The following KCNAB1 variants were observed in gnomAD, a reference collection of about 807,000 sequenced individuals.
The protein encoded by KCNAB1 is voltage-gated potassium channel subunit beta-1.
A neutral mutation model predicts 64.6 loss-of-function variants in KCNAB1; 35 were observed. That is an observed-to-expected ratio of 0.54 (90% CI 0.41 to 0.72). The LOEUF (loss-of-function observed/expected upper bound fraction) is 0.72. Among genes scored for constraint, KCNAB1 ranks in the 30% least tolerant of loss-of-function variants. The pLI is 0.00. For missense variants in KCNAB1, 401 were observed against 512.9 expected (o/e 0.78, Z 2.11); for synonymous variants, 177 against 183.8 (o/e 0.96, Z 0.30).
intron 2 of KCNAB1, among the ~76,000 whole-genome samples, chr3:156,450,891 T>C: frequency 7.2e-6 from 1 of 138,926 alleles, no homozygotes; most frequent in Non-Finnish European, 1.6e-5. Context: ...GTTATGCTCC[T>C]ATTTTTTTCT....
At chr3:156,284,778 G>C (rs1388781132) in intron 1 of KCNAB1, among the ~76,000 whole-genome samples, 3 of 152,200 alleles carry the variant, frequency 2.0e-5, no homozygotes, top group Admixed American at 6.5e-5. Context: ...GGAACTCCCT[G>C]ACCCCTTGTG....
chr3:156,522,223 T>G (rs117490355), intron 11 of KCNAB1, among the ~76,000 whole-genome samples: 1 of 151,850 alleles, frequency 6.6e-6, no homozygotes. Context: ...GCTATTAGTT[T>G]TCAATCTTTG....
chr3:156,405,193 A>G (rs1455063632), intron 1 of KCNAB1, among the ~76,000 whole-genome samples: 2 of 152,246 alleles, frequency 1.3e-5, no homozygotes, highest in African/African-American at 2.4e-5. Context: ...GTCTTGGACA[A>G]GAGCCTTTTA....
chr3:156,527,633 A>G (rs547215107), intron 12 of KCNAB1, among the ~76,000 whole-genome samples: 1 of 152,290 alleles, frequency 6.6e-6, no homozygotes, highest in East Asian at 1.9e-4. Flanking sequence ...TCTGAGTTTA[A>G]ATTAAAACAT....
At position 156,397,317 on chromosome 3, in the gene KCNAB1, A is replaced by G. The variant is rs945642805; in HGVS notation, c.276-24299A>G. On this transcript the variant is annotated intron_variant, in intron 1 of 13. Coordinates refer to ENST00000490337, the MANE Select transcript of KCNAB1 (RefSeq NM_172160.3). ...GGAGTAAATGGGGTAATATATGTAA[A>G]GAAATTGGCCCAAGTTCTCTGTAGA... Among the ~76,000 whole-genome samples the G allele has an allele frequency of 2.6e-5, 4 of 152,204 alleles. No homozygotes were observed. The East Asian group carries it at 7.7e-4, about 29-fold the overall frequency.
At chr3:156,176,202 G>T (rs1712361301) in intron 1 of KCNAB1, 2 of 777,736 alleles carry the variant, frequency 2.6e-6, no homozygotes, top group Admixed American at 3.4e-5. Context: ...TTAAGGTCAG[G>T]CCAGTCACTG....
chr3:156,500,914 T>A (rs1716355794), intron 8 of KCNAB1, among the ~76,000 whole-genome samples: 2 of 152,198 alleles, frequency 1.3e-5, no homozygotes, highest in South Asian at 2.1e-4. Context: ...TATGATAGAA[T>A]TTGAGGGGCT....
chr3:156,147,961 G>GCATGCA (rs1560107832), intron 1 of KCNAB1, among the ~76,000 whole-genome samples: 9 of 150,566 alleles, frequency 6.0e-5, no homozygotes, highest in South Asian at 2.1e-4. Flanking sequence ...ACACACACAC[G>GCATGCA]CACGCACACG....
Position 156,514,450 on chromosome 3 carries a change from G to A in KCNAB1, c.744+1G>A. ...GAGATGGAGTGCTATGGAGATCATG[G>A]TAATTTAACTTCTATTTTTAAATGG... On this transcript the variant is annotated splice_donor_variant, in intron 9 of 13. Transcript: ENST00000490337. LOFTEE classifies it high-confidence loss of function. The A allele has an allele frequency of 6.2e-7, 1 of 1,608,300 alleles. No homozygotes were observed.
chr3:156,476,661 A>G (rs771342332), intron 8 of KCNAB1, among the ~76,000 whole-genome samples: 3 of 151,714 alleles, frequency 2.0e-5, no homozygotes, highest in Admixed American at 6.6e-5. Context: ...TGGTTCCATG[A>G]TTTTGCAATT....
chr3:156,471,581 A>T (rs1028116340), intron 7 of KCNAB1, among the ~76,000 whole-genome samples: 1 of 152,170 alleles, frequency 6.6e-6, no homozygotes, highest in African/African-American at 2.4e-5. Context: ...TGGAGCACTT[A>T]CCTCCTTAGG....
At chr3:156,206,654 T>C (rs1336263435) in intron 1 of KCNAB1, among the ~76,000 whole-genome samples, 1 of 152,246 alleles carries the variant, frequency 6.6e-6, no homozygotes, top group East Asian at 1.9e-4. Flanking sequence ...GTAAAGTTTG[T>C]TTATTTACAT....
At chr3:156,183,102 G>A (rs563532139) in intron 1 of KCNAB1, among the ~76,000 whole-genome samples, 33 of 152,222 alleles carry the variant, frequency 2.2e-4, no homozygotes, top group African/African-American at 6.3e-4. Context: ...AATGTTGGAC[G>A]TCATGGAGAG....
At chr3:156,478,018 A>G (rs1041262763) in intron 8 of KCNAB1, among the ~76,000 whole-genome samples, 12 of 152,186 alleles carry the variant, frequency 7.9e-5, no homozygotes, top group African/African-American at 2.7e-4. Context: ...CAGAAGGCAA[A>G]TGTTATTTAT....
At chr3:156,258,480 A>G (rs374970475) in intron 1 of KCNAB1, among the ~76,000 whole-genome samples, 17 of 152,284 alleles carry the variant, frequency 1.1e-4, no homozygotes, top group African/African-American at 3.9e-4. Flanking sequence ...GGGCTGCCTG[A>G]TATGCTGTTG....
At chr3:156,329,045 T>TA (rs111916271) in intron 1 of KCNAB1, among the ~76,000 whole-genome samples, 119 of 152,148 alleles carry the variant, frequency 7.8e-4, no homozygotes, top group African/African-American at 2.7e-3. Context: ...CAGTGCGGTT[T>TA]AAAAAAAACT....
intron 8 of KCNAB1, among the ~76,000 whole-genome samples, chr3:156,511,358 C>G (rs1717198341): frequency 6.6e-6 from 1 of 152,218 alleles, no homozygotes; most frequent in African/African-American, 2.4e-5. Context: ...CCGCCTCGGC[C>G]TCCCAAAGTG....
chr3:156,483,823 A>G (rs1265417519), intron 8 of KCNAB1, among the ~76,000 whole-genome samples: 2 of 152,146 alleles, frequency 1.3e-5, no homozygotes, highest in Non-Finnish European at 2.9e-5. Flanking sequence ...ATATGCATCT[A>G]TAAGAACAGA....
chr3:156,533,885 T>C (rs932875776), intron 13 of KCNAB1, among the ~76,000 whole-genome samples: 1 of 152,130 alleles, frequency 6.6e-6, no homozygotes, highest in Non-Finnish European at 1.5e-5. Flanking sequence ...TTTTAAAAGC[T>C]GTGGAAATAG....
Sources: allele counts gnomAD v4.1 joint callset (sites outside exome capture counted in the v4.1 genomes callset), GRCh38; gene constraint gnomAD v4.1.1; transcripts MANE v1.5; gene names NCBI Gene and HGNC (gene_info 2026-07-23, HGNC 2026-07-21).